Variants in PITRM1 observed in about 807,000 individuals in gnomAD.
The protein encoded by PITRM1 is pitrilysin metallopeptidase 1.
Under a neutral mutation model 129.9 loss-of-function variants are expected in PITRM1, and 100 were observed. The ratio of observed to expected loss-of-function variants is 0.77; its 90% CI spans 0.65 to 0.91. The LOEUF is 0.91. Among genes scored for constraint, PITRM1 ranks in the 40% least tolerant of loss-of-function variants. The probability of loss-of-function intolerance (pLI) is 0.00; values close to 1 mark genes in which losing one functional copy is unlikely to be tolerated. For missense variants in PITRM1, 1,471 were observed against 1,318.3 expected, an observed-to-expected ratio of 1.12 and a Z score of -1.79; for synonymous variants, 591 against 508.8, an observed-to-expected ratio of 1.16 and a Z score of -2.17.
At chr10:3,155,339 A>T (rs968090251) in intron 14 of PITRM1, among the ~76,000 whole-genome samples, 1 of 152,238 alleles carries the variant, frequency 6.6e-6, no homozygotes, top group African/African-American at 2.4e-5. Context: ...TGATAAAAGT[A>T]TTTACAAAAT....
chr10:3,148,626 C>T (rs528541213), intron 16 of PITRM1: 40 of 227,420 alleles, frequency 1.8e-4, no homozygotes, highest in Non-Finnish European at 3.2e-4. Context: ...TTTATGACTA[C>T]TCCCTACTCT....
Position 3,139,072 on chromosome 10 carries a change from CG to C in PITRM1, c.2772-24del, listed in dbSNP as rs1839919631. 3 of 1,609,978 alleles carry C rather than the reference CG, an allele frequency of 1.9e-6. No individual in the cohort carries two copies. The East Asian group carries it at 6.7e-5, about 36-fold the overall frequency. Reference sequence around the variant, plus strand: ...TCCCTAGGAAACCCAGAGAAATAAACGGGCAAGCATTTTACCAGTGGACAAG... The same window carrying C: ...TCCCTAGGAAACCCAGAGAAATAAACGGCAAGCATTTTACCAGTGGACAAG... On this transcript the variant is annotated intron_variant, in intron 24 of 26. Transcript: ENST00000224949.
rs1031576194 is a variant in PITRM1, at chr10:3,155,783, T to G, written c.1483-54A>C. 1.6e-5 allele frequency: 26 copies of G among 1,592,074 alleles called. No individual in the cohort carries two copies. The African/African-American group carries it at 2.3e-4, about 14-fold the overall frequency. On this transcript the variant is annotated intron_variant, in intron 13 of 26. Coordinates refer to ENST00000224949, the MANE Select transcript of PITRM1 (RefSeq NM_014889.4). ...CAAGTGAAAACAAGATCTTACTATA[T>G]CCTAACACTCAACAAGCTTCTGCTG...
intron 2 of PITRM1, among the ~76,000 whole-genome samples, chr10:3,167,286 AGC>A (rs1491584105): frequency 1.5e-4 from 11 of 72,244 alleles, no homozygotes; most frequent in African/African-American, 5.0e-4. Flanking sequence ...AGAGAGAGAG[AGC>A]GAGCGAGCGA....
At chr10:3,172,607 G>A in intron 1 of PITRM1, 110 bp downstream of exon 1, 1 of 1,011,466 alleles carries the variant, frequency 9.9e-7, no homozygotes, top group Middle Eastern at 3.3e-4. Context: ...ACAGCTTGGG[G>A]AGCTGCCAGC....
In PITRM1 at chr10:3,157,061, T is replaced by C. The variant is rs368922913; in HGVS notation, c.1351A>G (p.Ile451Val). Residue 451 changes from isoleucine (I) to valine (V), a missense_variant, in exon 13 of 27, where the codon ATA (isoleucine) becomes GTA (valine). Coordinates refer to ENST00000224949, the MANE Select transcript of PITRM1 (RefSeq NM_014889.4). ...CCATCATGGTTCCAGCAAGAAGCTA[T>C]GTACTGGAAGGAAGATTTCCACATC... is the stretch of plus-strand genomic sequence containing the variant. ...TSFGLMLTSY[I>V]ASCWNHDGDP... 5.6e-5 allele frequency: 90 copies of C among 1,604,920 alleles called. No individual in the cohort carries two copies. Among genetic ancestry groups the C allele is most frequent in the Middle Eastern group, 3.3e-4 (2 of 6,070 alleles).
intron 14 of PITRM1, among the ~76,000 whole-genome samples, chr10:3,151,873 C>A (rs959017614): frequency 6.6e-6 from 1 of 152,050 alleles, no homozygotes. Flanking sequence ...GTGGCTGGGA[C>A]TAGGGGTGCA....
At chr10:3,155,483 A>G in intron 14 of PITRM1, 108 bp downstream of exon 14, 1 of 1,377,736 alleles carries the variant, frequency 7.3e-7, no homozygotes, top group Non-Finnish European at 1.0e-6. Context: ...CGCCCAGCGG[A>G]CACCTGTTGG....
chr10:3,138,582 TGCTGTGA>T, intron 25 of PITRM1: 1 of 602,966 alleles, frequency 1.7e-6, no homozygotes, highest in East Asian at 2.8e-5. Context: ...AGGCTGATGA[TGCTGTGA>T]GCAAAAGCGG....
rs766845356 is a variant in PITRM1 at position 3,138,141 on chromosome 10, C to T, written c.3021-17G>A. 16 of 1,593,020 alleles carry T rather than the reference C, an allele frequency of 1.0e-5. No individual in the cohort carries two copies. The highest frequency in any genetic ancestry group is 6.7e-5 in the African/African-American group (5 of 74,384). ...CCGAGGTATCTGAGAGGAAGGCAGG[C>T]GTGGTCAGCAAGGACTGGCTTCTGC... is the stretch of plus-strand genomic sequence containing the variant. On this transcript the variant is annotated splice_polypyrimidine_tract_variant and intron_variant, in intron 26 of 26. Transcript: ENST00000224949.
At chr10:3,159,203 C>T (rs1172627518) in intron 9 of PITRM1, among the ~76,000 whole-genome samples, 161 bp from the exon 10 acceptor site, 1 of 152,172 alleles carries the variant, frequency 6.6e-6, no homozygotes, top group African/African-American at 2.4e-5. Context: ...TCCTTAAATA[C>T]CGGGATTTTT....
chr10:3,150,481 G>A (rs939390389), intron 15 of PITRM1, among the ~76,000 whole-genome samples: 8 of 152,156 alleles, frequency 5.3e-5, no homozygotes, highest in African/African-American at 1.2e-4. Flanking sequence ...GGCTGGAGAC[G>A]CTTCACAGGA....
rs919894223 is a variant in PITRM1 at position 3,151,225 on chromosome 10, A to G, written c.1738+22T>C. 4.5e-6 allele frequency: 6 copies of G among 1,326,416 alleles called. No homozygotes were observed. The Admixed American group carries it at 5.5e-5, about 12-fold the overall frequency. The allele number at this position is 1,326,416 out of a possible 1,614,324, so 82.2% of individuals were successfully genotyped here. On this transcript the variant is annotated intron_variant, in intron 15 of 26. Transcript: ENST00000224949. ...CCCCCAAGGAACCCGAGACCCGGGA[A>G]AAGCGTAGCGTTCACAGTGACCTGT...
At chr10:3,156,122 CT>C (rs1476192031) in intron 13 of PITRM1, among the ~76,000 whole-genome samples, 1 of 152,126 alleles carries the variant, frequency 6.6e-6, no homozygotes, top group East Asian at 1.9e-4. Context: ...TATTTTTTGT[CT>C]AGCGTTCATT....
chr10:3,159,822 T>C, intron 9 of PITRM1, 26 bp downstream of exon 9: 1 of 1,373,960 alleles, frequency 7.3e-7, no homozygotes, highest in Non-Finnish European at 1.0e-6. Flanking sequence ...TTTTGTCTTG[T>C]ATGAGCTTTG....
At position 3,143,521 on chromosome 10, in the gene PITRM1, C is replaced by A; in HGVS notation, c.2533-20G>T. On this transcript the variant is annotated intron_variant, in intron 22 of 26. Coordinates refer to ENST00000224949, the MANE Select transcript of PITRM1 (RefSeq NM_014889.4). Reference sequence around the variant, plus strand: ...GGGTTCCTGAGGGACACGGTATGGTCAGAGGCGGCTGTGCTGCCATGCACC... The same window carrying A: ...GGGTTCCTGAGGGACACGGTATGGTAAGAGGCGGCTGTGCTGCCATGCACC... The A allele has an allele frequency of 6.5e-7, 1 of 1,546,744 alleles. No individual in the cohort carries two copies. The highest frequency in any genetic ancestry group is 1.1e-5 in the South Asian group (1 of 89,622).
In PITRM1 at chr10:3,138,736, C is replaced by T. The variant is rs1051669282; in HGVS notation, c.2917+168G>A. The T allele has an allele frequency of 1.5e-5, 12 of 790,412 alleles. No individual in the cohort carries two copies. The East Asian group carries it at 2.4e-4, about 16-fold the overall frequency. The allele number at this position is 790,412 out of a possible 1,614,324, so 49.0% of individuals were successfully genotyped here. On this transcript the variant is annotated intron_variant, in intron 25 of 26. Coordinates refer to ENST00000224949, the MANE Select transcript of PITRM1 (RefSeq NM_014889.4). ...AATGACAGGATGCACTCTTCTCGCC[C>T]GGATGTCAGGAAGCGTGTTTAGGGT...
rs576962834 is a variant in PITRM1 at position 3,165,321 on chromosome 10, G to T, written c.547C>A (p.Arg183=). The change falls in exon 6 of 27, where the codon CGG becomes AGG. Residue 183 remains arginine, a synonymous_variant. Transcript: ENST00000224949. The part of the protein sequence containing the change: ...RELDFWQEGW[R]LEHENPSDPQ... ...TCGCTCGGATTCTCATGTTCCAGCC[G>T]CCATCCTTCCTGCCTGAGGACAAAT... 3 of 1,591,262 alleles carry T rather than the reference G, an allele frequency of 1.9e-6. No homozygotes were observed. Among genetic ancestry groups the T allele is most frequent in the Non-Finnish European group, 2.6e-6 (3 of 1,168,984 alleles).
At chr10:3,163,269 T>C (rs1238574875) in intron 7 of PITRM1, 3 of 152,406 alleles carry the variant, frequency 2.0e-5, no homozygotes, top group African/African-American at 7.2e-5. Flanking sequence ...TATAATGACC[T>C]TGTATTAGTG....
Sources: gnomAD v4.1 joint callset for allele counts (sites outside exome capture counted in the v4.1 genomes callset) on GRCh38, gnomAD v4.1.1 for gene constraint, MANE v1.5 for transcripts, NCBI Gene and HGNC (gene_info 2026-07-23, HGNC 2026-07-21) for gene names.